The following GPC6 variants were observed in gnomAD, a reference collection of about 807,000 sequenced individuals.
The protein encoded by GPC6 is glypican 6.
In GPC6, 14 loss-of-function variants were observed where a neutral mutation model predicts 55.2. That is an observed-to-expected ratio of 0.25 (90% CI 0.17 to 0.40). The LOEUF (loss-of-function observed/expected upper bound fraction) is 0.40. Among genes scored for constraint, GPC6 ranks in the 10% least tolerant of loss-of-function variants. GPC6 has a pLI of 1.00. For missense variants in GPC6, 641 were observed against 708.5 expected, an observed-to-expected ratio of 0.90 and a Z score of 1.08; for synonymous variants, 278 against 259.6, an observed-to-expected ratio of 1.07 and a Z score of -0.68.
At chr13:93,948,205 G>C (rs914222220) in intron 3 of GPC6, among the ~76,000 whole-genome samples, 5 of 152,266 alleles carry the variant, frequency 3.3e-5, no homozygotes, top group African/African-American at 1.2e-4. Context: ...TGTCAACTGT[G>C]TATTAAAAGA....
At chr13:94,054,033 T>C (rs1471155236) in intron 4 of GPC6, among the ~76,000 whole-genome samples, 1 of 152,164 alleles carries the variant, frequency 6.6e-6, no homozygotes, top group Non-Finnish European at 1.5e-5. Flanking sequence ...ACTCTGCTAA[T>C]AATTAAAAGG....
chr13:94,182,215 A>AAAG (rs946523411), intron 4 of GPC6, among the ~76,000 whole-genome samples: 1 of 148,418 alleles, frequency 6.7e-6, no homozygotes, highest in African/African-American at 2.5e-5. Flanking sequence ...TTTTTTTTTT[A>AAAG]AAGATAAATG....
intron 2 of GPC6, among the ~76,000 whole-genome samples, chr13:93,778,748 T>G (rs1402673499): frequency 1.3e-5 from 2 of 152,134 alleles, no homozygotes; most frequent in East Asian, 3.9e-4. Context: ...TAAATCCCAT[T>G]CCAAGCAAAT....
At position 93,314,510 on chromosome 13, in the gene GPC6, G is replaced by A. The variant is rs144019587; in HGVS notation, c.160+86894G>A. The stretch of plus-strand genomic sequence containing the variant: ...TTCTCATGTTTTTCACACTCCAACC[G>A]CCTATAAAATGGCAGCACATAATTT... On this transcript the variant is annotated intron_variant, in intron 1 of 8. Coordinates refer to ENST00000377047, the MANE Select transcript of GPC6 (RefSeq NM_005708.5). Among the ~76,000 whole-genome samples the A allele has an allele frequency of 2.1e-4, 32 of 152,212 alleles. 1 individual carries two copies. The highest frequency in any genetic ancestry group is 5.5e-4 in the African/African-American group (23 of 41,552).
chr13:94,386,282 C>A (rs769698773), intron 7 of GPC6, among the ~76,000 whole-genome samples: 57 of 151,802 alleles, frequency 3.8e-4, no homozygotes, highest in Non-Finnish European at 6.6e-4. Context: ...ATGGCATGAG[C>A]CTGGGAGGCA....
At position 94,294,401 on chromosome 13, in the gene GPC6, A is replaced by G. The variant is rs951709051; in HGVS notation, c.1008+7922A>G. Among the ~76,000 whole-genome samples the G allele has an allele frequency of 2.0e-5, 3 of 151,104 alleles. No individual in the cohort carries two copies. The South Asian group carries it at 6.3e-4, about 32-fold the overall frequency. On this transcript the variant is annotated intron_variant, in intron 5 of 8. Transcript: ENST00000377047. The stretch of plus-strand genomic sequence containing the variant: ...GGCCTTCAGGTACTTAATTTTCTCT[A>G]GACAGTTTTTCCCAATCCACAGCTC...
chr13:93,360,469 C>T (rs1881005989), intron 1 of GPC6, among the ~76,000 whole-genome samples: 1 of 152,126 alleles, frequency 6.6e-6, no homozygotes, highest in Admixed American at 6.6e-5. Context: ...GGTCATTTTA[C>T]TGTAGCCCAA....
rs1014251087 is a variant in GPC6 at position 94,385,155 on chromosome 13, G to A, written c.1289+2605G>A. 9.9e-5 allele frequency among the ~76,000 whole-genome samples: 15 copies of A among 151,806 alleles called. No homozygotes were observed. In the South Asian group the frequency reaches 1.5e-3, roughly 15 times the overall value. On this transcript the variant is annotated intron_variant, in intron 7 of 8. Coordinates refer to ENST00000377047, the MANE Select transcript of GPC6 (RefSeq NM_005708.5). ...CTTAGGAAGCTAAGGCAGGAGAATC[G>A]CTTGAACCCAGGAAAAGGAGGTTGC...
At chr13:94,172,916 G>A (rs1244874220) in intron 4 of GPC6, among the ~76,000 whole-genome samples, 1 of 152,152 alleles carries the variant, frequency 6.6e-6, no homozygotes, top group African/African-American at 2.4e-5. Flanking sequence ...GTCTGATAGA[G>A]GCTGTCAACT....
At chr13:93,696,553 AAAAAAC>A (rs1319046268) in intron 2 of GPC6, among the ~76,000 whole-genome samples, 2 of 144,622 alleles carry the variant, frequency 1.4e-5, no homozygotes, top group Non-Finnish European at 1.6e-5. Context: ...TTTTTTTTTT[AAAAAAC>A]AAAAACAAAA....
intron 3 of GPC6, among the ~76,000 whole-genome samples, chr13:94,009,876 A>G (rs1364006932): frequency 2.6e-5 from 4 of 152,186 alleles, no homozygotes; most frequent in Non-Finnish European, 5.9e-5. Flanking sequence ...GGCTCAGGAC[A>G]TATTACTCAA....
Position 93,298,788 on chromosome 13 carries a change from T to C in GPC6, c.160+71172T>C, listed in dbSNP as rs547394050. Among the ~76,000 whole-genome samples, 18 of 152,106 alleles carry C rather than the reference T, an allele frequency of 1.2e-4. No homozygotes were observed. In the South Asian group the frequency reaches 3.5e-3, roughly 30 times the overall value. On this transcript the variant is annotated intron_variant, in intron 1 of 8. Coordinates refer to ENST00000377047, the MANE Select transcript of GPC6 (RefSeq NM_005708.5). ...TTCAAACCATCCCCTGCGTACTGCC[T>C]GACGTGGATTTTCTCTCTCTGGGAG...
the GPC6 span, among the ~76,000 whole-genome samples, chr13:93,216,833 G>C: frequency 1.3e-5 from 2 of 152,170 alleles, no homozygotes; most frequent in Non-Finnish European, 2.9e-5. Context: ...GAGTAGAAGA[G>C]AGATCTGAAA....
At chr13:94,131,088 A>C (rs940157525) in intron 4 of GPC6, among the ~76,000 whole-genome samples, 9 of 152,136 alleles carry the variant, frequency 5.9e-5, no homozygotes, top group African/African-American at 2.2e-4. Flanking sequence ...ACAGATTTTC[A>C]AGGCAAAGTT....
intron 7 of GPC6, among the ~76,000 whole-genome samples, chr13:94,393,139 G>C (rs1384679894): frequency 3.3e-5 from 5 of 152,128 alleles, no homozygotes; most frequent in Non-Finnish European, 7.3e-5. Context: ...TAGGCTTGTA[G>C]TCCCTTATTT....
At position 94,322,995 on chromosome 13, in the gene GPC6, T is replaced by C. The variant is rs185565995; in HGVS notation, c.1152+16872T>C. ...TTTATTTATTCATGCATTTATTCCC[T>C]GCCTCAGACAGACAGGGAGCAAGTG... On this transcript the variant is annotated intron_variant, in intron 6 of 8. Coordinates refer to ENST00000377047, the MANE Select transcript of GPC6 (RefSeq NM_005708.5). 7.1e-3 allele frequency among the ~76,000 whole-genome samples: 1,088 copies of C among 152,246 alleles called. 6 individuals carry two copies. The highest frequency in any genetic ancestry group is 0.012 in the Non-Finnish European group (809 of 68,012).
intron 4 of GPC6, among the ~76,000 whole-genome samples, chr13:94,136,952 C>T (rs554673638): frequency 5.3e-5 from 8 of 152,210 alleles, no homozygotes; most frequent in African/African-American, 1.7e-4. Context: ...GAAGTATAGA[C>T]ATTTGAGAGA....
chr13:94,071,407 A>G (rs1033468108), intron 4 of GPC6, among the ~76,000 whole-genome samples: 5 of 152,224 alleles, frequency 3.3e-5, no homozygotes, highest in African/African-American at 1.2e-4. Context: ...GGCCATTTAA[A>G]TTATTGAAAA....
intron 4 of GPC6, among the ~76,000 whole-genome samples, chr13:94,124,824 A>G (rs563710106): frequency 1.3e-5 from 2 of 152,218 alleles, no homozygotes; most frequent in East Asian, 1.9e-4. Context: ...ATAAAGACAC[A>G]ACTTGTCTTC....
Sources: gnomAD v4.1 joint callset for allele counts (sites outside exome capture counted in the v4.1 genomes callset) on GRCh38, gnomAD v4.1.1 for gene constraint, MANE v1.5 for transcripts, NCBI Gene and HGNC (gene_info 2026-07-23, HGNC 2026-07-21) for gene names.